The following KCNMA1 variants were observed in gnomAD, a reference collection of about 807,000 sequenced individuals.
The protein encoded by KCNMA1 is Calcium-activated potassium channel subunit alpha-1.
Under a neutral mutation model 140.0 loss-of-function variants are expected in KCNMA1, and 29 were observed. That is an observed-to-expected ratio of 0.21 (90% CI 0.15 to 0.28). The LOEUF is 0.28. Ranked by LOEUF, KCNMA1 falls within the 10% of genes least tolerant of loss-of-function variation. KCNMA1 has a pLI of 1.00. For missense variants in KCNMA1, 880 were observed against 1,602.2 expected (o/e 0.55, Z 7.70); for synonymous variants, 612 against 611.9 (o/e 1.00, Z 0.00).
intron 5 of KCNMA1, among the ~76,000 whole-genome samples, chr10:77,144,603 A>G (rs1227137467): frequency 6.6e-6 from 1 of 152,216 alleles, no homozygotes; most frequent in Admixed American, 6.5e-5. Context: ...TATTAAAAAC[A>G]TTGAGATGGG....
intron 1 of KCNMA1, among the ~76,000 whole-genome samples, chr10:77,472,857 G>A (rs962454315): frequency 2.0e-5 from 3 of 152,196 alleles, no homozygotes; most frequent in Non-Finnish European, 4.4e-5. Context: ...GAGATCAGAG[G>A]AGTGAAGACA....
chr10:77,528,316 A>C (rs1456186023), intron 1 of KCNMA1, among the ~76,000 whole-genome samples: 1 of 152,138 alleles, frequency 6.6e-6, no homozygotes, highest in Non-Finnish European at 1.5e-5. Flanking sequence ...ATATACCCCA[A>C]ATCAAACACA....
intron 1 of KCNMA1, among the ~76,000 whole-genome samples, chr10:77,587,386 G>T (rs568496314): frequency 1.3e-5 from 2 of 152,234 alleles, no homozygotes; most frequent in African/African-American, 4.8e-5. Flanking sequence ...GCATTATAAT[G>T]AGAAAGCAAA....
At chr10:77,485,756 G>T (rs77275323) in intron 1 of KCNMA1, among the ~76,000 whole-genome samples, 2 of 152,198 alleles carry the variant, frequency 1.3e-5, no homozygotes, top group Non-Finnish European at 1.5e-5. Flanking sequence ...CAGAGAGCAG[G>T]CCTTGGGATC....
chr10:77,195,995 A>G (rs1282438879), intron 3 of KCNMA1, among the ~76,000 whole-genome samples: 1 of 152,102 alleles, frequency 6.6e-6, no homozygotes, highest in Non-Finnish European at 1.5e-5. Context: ...TATCAATGAC[A>G]TCCACTAGAT....
intron 2 of KCNMA1, among the ~76,000 whole-genome samples, chr10:77,401,668 T>C (rs1339440014): frequency 6.6e-6 from 1 of 152,250 alleles, no homozygotes; most frequent in Non-Finnish European, 1.5e-5. Context: ...TTATTAAGTA[T>C]TCTTCACAAA....
intron 1 of KCNMA1, among the ~76,000 whole-genome samples, chr10:77,418,309 C>A (rs188721400): frequency 8.5e-5 from 13 of 152,280 alleles, no homozygotes; most frequent in Admixed American, 8.5e-4. Flanking sequence ...ATCTTCTCTC[C>A]ATGGCCTGGG....
Position 76,923,104 on chromosome 10 carries a change from T to C in KCNMA1, c.2903-8055A>G, listed in dbSNP as rs560667561. ...ACTGAATAAAGTGCCCCATCCTTTT[T>C]AGAGTTTACATTTTGGGTCCAACCC... On this transcript the variant is annotated intron_variant, in intron 23 of 27. Coordinates refer to ENST00000286628, the MANE Select transcript of KCNMA1 (RefSeq NM_001161352.2). Among the ~76,000 whole-genome samples, 9 of 152,272 alleles carry C rather than the reference T, an allele frequency of 5.9e-5. 1 individual carries two copies. The South Asian group carries it at 1.2e-3, about 21-fold the overall frequency.
intron 1 of KCNMA1, among the ~76,000 whole-genome samples, chr10:77,419,558 G>A (rs1004287163): frequency 2.0e-5 from 3 of 152,200 alleles, no homozygotes; most frequent in Admixed American, 6.5e-5. Flanking sequence ...AAGGAGAAGG[G>A]ATGGTCAGGG....
At chr10:76,950,488 C>T (rs1219928333) in intron 21 of KCNMA1, among the ~76,000 whole-genome samples, 1 of 152,224 alleles carries the variant, frequency 6.6e-6, no homozygotes, top group Non-Finnish European at 1.5e-5. Flanking sequence ...CCCTTTGATT[C>T]ACTGAGCTAG....
intron 5 of KCNMA1, among the ~76,000 whole-genome samples, chr10:77,137,580 C>G (rs1168587585): frequency 1.3e-5 from 2 of 152,136 alleles, no homozygotes; most frequent in Non-Finnish European, 2.9e-5. Context: ...CTGTGAGGAC[C>G]ACCTGCTTCT....
intron 2 of KCNMA1, among the ~76,000 whole-genome samples, chr10:77,387,049 G>T (rs1210676805): frequency 6.6e-6 from 1 of 152,196 alleles, no homozygotes. Flanking sequence ...GGGCTGAGGG[G>T]AAGGCTTTGC....
At chr10:77,198,294 G>A (rs2154149720) in intron 3 of KCNMA1, among the ~76,000 whole-genome samples, 1 of 152,176 alleles carries the variant, frequency 6.6e-6, no homozygotes, top group South Asian at 2.1e-4. Flanking sequence ...CTCTCAAGGC[G>A]TAATGTAGTG....
At chr10:77,221,214 G>A (rs2049542241) in intron 3 of KCNMA1, among the ~76,000 whole-genome samples, 2 of 152,034 alleles carry the variant, frequency 1.3e-5, no homozygotes, top group African/African-American at 4.8e-5. Flanking sequence ...TCCTCACCCA[G>A]TCTCTTTATT....
chr10:76,924,559 A>T (rs1247417161), intron 23 of KCNMA1, among the ~76,000 whole-genome samples: 1 of 152,176 alleles, frequency 6.6e-6, no homozygotes, highest in South Asian at 2.1e-4. Context: ...TGTGATCTCT[A>T]TGGGTTGAGA....
chr10:77,242,698 A>C (rs1379280250), intron 3 of KCNMA1, among the ~76,000 whole-genome samples: 4 of 152,118 alleles, frequency 2.6e-5, no homozygotes, highest in Admixed American at 2.6e-4. Flanking sequence ...ATACATAAGT[A>C]CTCAAAATTC....
intron 2 of KCNMA1, among the ~76,000 whole-genome samples, chr10:77,343,792 G>T (rs189284761): frequency 2.6e-5 from 4 of 152,190 alleles, no homozygotes; most frequent in Non-Finnish European, 4.4e-5. Context: ...AAGAACCAGA[G>T]ACAACTGTTT....
chr10:77,466,003 C>T (rs1472081211), intron 1 of KCNMA1, among the ~76,000 whole-genome samples: 2 of 152,222 alleles, frequency 1.3e-5, no homozygotes, highest in African/African-American at 4.8e-5. Context: ...GTGTTCCTGG[C>T]AGGAGCTCAG....
intron 3 of KCNMA1, among the ~76,000 whole-genome samples, chr10:77,188,925 C>A (rs1472510802): frequency 2.0e-5 from 3 of 152,106 alleles, no homozygotes; most frequent in East Asian, 1.9e-4. Flanking sequence ...GGAAGGATCA[C>A]CCGCTCCTCA....
Sources: gnomAD v4.1 joint callset for allele counts (sites outside exome capture counted in the v4.1 genomes callset) on GRCh38, gnomAD v4.1.1 for gene constraint, MANE v1.5 for transcripts, NCBI Gene and HGNC (gene_info 2026-07-23, HGNC 2026-07-21) for gene names.